The following NRXN1 variants were observed in gnomAD, a reference collection of about 807,000 sequenced individuals.
NRXN1 encodes the protein neurexin 1, also known as neurexin-1.
A neutral mutation model predicts 150.9 loss-of-function variants in NRXN1; 39 were observed. The ratio of observed to expected loss-of-function variants is 0.26; its 90% CI spans 0.20 to 0.34. The LOEUF (loss-of-function observed/expected upper bound fraction) is 0.34, where lower values mean the gene tolerates loss of function less well. NRXN1 is among the 10% of genes least tolerant of loss of function. NRXN1 has a pLI of 1.00. For missense variants in NRXN1, 1,815 were observed against 1,949.9 expected (o/e 0.93, Z 1.30); for synonymous variants, 924 against 757.0 (o/e 1.22, Z -3.62).
intron 2 of NRXN1, among the ~76,000 whole-genome samples, chr2:51,006,860 T>C (rs1033216054): frequency 1.3e-5 from 2 of 151,928 alleles, no homozygotes; most frequent in Non-Finnish European, 2.9e-5. Flanking sequence ...GCCTTAGCTG[T>C]CTTATCCTCT....
chr2:50,293,539 G>A (rs1008082406), intron 17 of NRXN1, among the ~76,000 whole-genome samples: 27 of 152,082 alleles, frequency 1.8e-4, no homozygotes, highest in African/African-American at 6.3e-4. Context: ...ATACTGCTTC[G>A]TAGATCCCTG....
At chr2:50,965,906 T>C (rs1346033808) in intron 2 of NRXN1, among the ~76,000 whole-genome samples, 3 of 151,594 alleles carry the variant, frequency 2.0e-5, no homozygotes, top group Admixed American at 1.3e-4. Flanking sequence ...TATGTATTTA[T>C]ATTAAACTTT....
intron 5 of NRXN1, among the ~76,000 whole-genome samples, chr2:50,828,713 C>G (rs1482007739): frequency 6.6e-6 from 1 of 151,604 alleles, no homozygotes; most frequent in Non-Finnish European, 1.5e-5. Flanking sequence ...GATGGGATGG[C>G]GGCCGGGCAG....
intron 21 of NRXN1, among the ~76,000 whole-genome samples, chr2:50,032,602 T>G (rs2152568823): frequency 6.6e-6 from 1 of 152,032 alleles, no homozygotes; most frequent in South Asian, 2.1e-4. Flanking sequence ...TCCCGGAAAA[T>G]TCATAGGTTG....
intron 18 of NRXN1, among the ~76,000 whole-genome samples, chr2:50,178,224 A>T (rs1389077188): frequency 1.3e-5 from 2 of 152,026 alleles, no homozygotes; most frequent in Admixed American, 1.3e-4. Flanking sequence ...GCTAGCCCGA[A>T]TATTTTTGGC....
intron 5 of NRXN1, among the ~76,000 whole-genome samples, chr2:50,666,825 CCAGAG>C (rs1688089169): frequency 6.7e-6 from 1 of 148,338 alleles, no homozygotes; most frequent in Non-Finnish European, 1.5e-5. Context: ...GTTCCAAGTT[CCAGAG>C]CATAAAATAA....
chr2:49,979,320 G>T (rs980173132), intron 21 of NRXN1, among the ~76,000 whole-genome samples: 1 of 152,120 alleles, frequency 6.6e-6, no homozygotes, highest in Admixed American at 6.6e-5. Flanking sequence ...AACTTAGAGG[G>T]AGGGGAAAAG....
At chr2:50,033,999 C>G (rs1238997066) in intron 21 of NRXN1, among the ~76,000 whole-genome samples, 2 of 150,006 alleles carry the variant, frequency 1.3e-5, no homozygotes, top group Non-Finnish European at 3.0e-5. Flanking sequence ...ACAGCAGGTG[C>G]TGGTGAGGTT....
At chr2:49,977,428 G>C (rs983055694) in intron 21 of NRXN1, among the ~76,000 whole-genome samples, 1 of 152,072 alleles carries the variant, frequency 6.6e-6, no homozygotes, top group Admixed American at 6.6e-5. Context: ...TAATTATTTG[G>C]ACCCAAATGT....
chr2:50,927,425 CA>C (rs970122978), intron 2 of NRXN1, among the ~76,000 whole-genome samples: 4 of 151,550 alleles, frequency 2.6e-5, no homozygotes, highest in South Asian at 2.1e-4. Context: ...AAAGAAACAA[CA>C]AAAAAAACTT....
At chr2:50,535,738 G>A (rs2093240834) in intron 10 of NRXN1, among the ~76,000 whole-genome samples, 1 of 152,114 alleles carries the variant, frequency 6.6e-6, no homozygotes, top group South Asian at 2.1e-4. Context: ...GTCTGCCTAA[G>A]TTAGCAAGTA....
At chr2:50,517,163 C>G (rs942974230) in intron 12 of NRXN1, among the ~76,000 whole-genome samples, 3 of 151,938 alleles carry the variant, frequency 2.0e-5, no homozygotes, top group African/African-American at 4.8e-5. Flanking sequence ...CTTAATAACT[C>G]AAAACTACTT....
intron 5 of NRXN1, among the ~76,000 whole-genome samples, chr2:50,828,272 C>T (rs1416559385): frequency 6.9e-6 from 1 of 144,344 alleles, no homozygotes; most frequent in Non-Finnish European, 1.5e-5. Flanking sequence ...GGGCGGGGGG[C>T]TGACCCCCCC....
chr2:50,475,455 A>T (rs1474633491), intron 15 of NRXN1, among the ~76,000 whole-genome samples: 1 of 152,130 alleles, frequency 6.6e-6, no homozygotes, highest in East Asian at 1.9e-4. Flanking sequence ...AAATGCACCA[A>T]CTTACTTCCT....
chr2:50,390,467 G>T (rs531006737), intron 17 of NRXN1, among the ~76,000 whole-genome samples: 2 of 152,238 alleles, frequency 1.3e-5, no homozygotes, highest in African/African-American at 2.4e-5. Context: ...CTCACGCAAT[G>T]ACTTAATTTT....
chr2:50,993,200 T>A (rs560053339), intron 2 of NRXN1, among the ~76,000 whole-genome samples: 5 of 151,902 alleles, frequency 3.3e-5, no homozygotes, highest in Non-Finnish European at 7.4e-5. Flanking sequence ...GAGAAGGTAG[T>A]CATTCAATAT....
At chr2:50,949,416 C>T (rs900119783) in intron 2 of NRXN1, among the ~76,000 whole-genome samples, 3 of 151,966 alleles carry the variant, frequency 2.0e-5, no homozygotes, top group African/African-American at 7.2e-5. Flanking sequence ...ACAGTCTACA[C>T]ATACTCATAC....
intron 8 of NRXN1, among the ~76,000 whole-genome samples, chr2:50,602,026 G>A (rs1676363174): frequency 6.6e-6 from 1 of 152,000 alleles, no homozygotes; most frequent in Non-Finnish European, 1.5e-5. Context: ...TAAAAGTGAG[G>A]GTGAAACATG....
intron 18 of NRXN1, among the ~76,000 whole-genome samples, chr2:50,179,535 T>C (rs2152809061): frequency 6.6e-6 from 1 of 152,196 alleles, no homozygotes; most frequent in East Asian, 1.9e-4. Flanking sequence ...TTAGCTGCTA[T>C]TTTCTGAAAA....
Sources: gnomAD v4.1 joint callset for allele counts (sites outside exome capture counted in the v4.1 genomes callset) on GRCh38, gnomAD v4.1.1 for gene constraint, MANE v1.5 for transcripts, NCBI Gene and HGNC (gene_info 2026-07-23, HGNC 2026-07-21) for gene names.